The following ZNRF2 variants were observed in gnomAD, a reference collection of about 807,000 sequenced individuals.
The protein encoded by ZNRF2 is zinc and ring finger 2, also known as E3 ubiquitin-protein ligase ZNRF2.
ZNRF2 carries 16 observed loss-of-function variants against 20.4 expected under a neutral mutation model. That is an observed-to-expected ratio of 0.79 (90% confidence interval 0.53 to 1.19). The LOEUF is 1.19. ZNRF2 is among the 50% of genes most tolerant of loss of function. ZNRF2 has a pLI of 0.00. For synonymous variants in ZNRF2, 178 were observed against 144.9 expected (o/e 1.23, Z -1.64); for missense variants, 363 against 332.4 (o/e 1.09, Z -0.72).
intron 2 of ZNRF2, among the ~76,000 whole-genome samples, chr7:30,353,201 G>T (rs1799985106): frequency 6.6e-6 from 1 of 152,096 alleles, no homozygotes; most frequent in Admixed American, 6.5e-5. Context: ...TTCTAACTCA[G>T]AGTTGCTTAT....
intron 2 of ZNRF2, among the ~76,000 whole-genome samples, chr7:30,353,512 C>A (rs1347777753): frequency 6.6e-6 from 1 of 152,042 alleles, no homozygotes; most frequent in African/African-American, 2.4e-5. Context: ...TGCAAAGCAT[C>A]TGAGGGATAA....
chr7:30,331,469 A>C (rs1488888286), intron 2 of ZNRF2, among the ~76,000 whole-genome samples: 1 of 152,188 alleles, frequency 6.6e-6, no homozygotes, highest in East Asian at 1.9e-4. Flanking sequence ...ATAGAGCTGC[A>C]AGGAGAATTA....
chr7:30,326,496 C>T (rs1028177630), intron 2 of ZNRF2, among the ~76,000 whole-genome samples: 1 of 152,100 alleles, frequency 6.6e-6, no homozygotes, highest in African/African-American at 2.4e-5. Flanking sequence ...AGTATTCACA[C>T]GGTATATATG....
intron 1 of ZNRF2, among the ~76,000 whole-genome samples, chr7:30,287,963 G>T (rs971625769): frequency 6.6e-6 from 1 of 152,186 alleles, no homozygotes; most frequent in Non-Finnish European, 1.5e-5. Flanking sequence ...TTATATGACA[G>T]GATCAGATGA....
chr7:30,312,934 A>G (rs1799313407), intron 1 of ZNRF2, among the ~76,000 whole-genome samples: 1 of 152,212 alleles, frequency 6.6e-6, no homozygotes, highest in South Asian at 2.1e-4. Flanking sequence ...AATAGCTAAA[A>G]CATGATAAAA....
chr7:30,351,080 G>A lies in ZNRF2; in HGVS notation c.566-4648G>A, dbSNP rs1050451001. 3.8e-4 allele frequency among the ~76,000 whole-genome samples: 57 copies of A among 148,122 alleles called. 1 individual carries two copies. The highest frequency in any genetic ancestry group is 1.3e-3 in the African/African-American group (52 of 40,236). On this transcript the variant is annotated intron_variant, in intron 2 of 4. Coordinates refer to ENST00000323037, the MANE Select transcript of ZNRF2 (RefSeq NM_147128.4). ...TCGTCTTGATCTGCAATAACTATAT[G>A]GATATGTGCTTGGACCTGCTAAGTA...
chr7:30,343,699 T>G (rs540016031), intron 2 of ZNRF2, among the ~76,000 whole-genome samples: 34 of 152,212 alleles, frequency 2.2e-4, no homozygotes, highest in African/African-American at 7.7e-4. Context: ...TTTTTTTCAT[T>G]TTCATTTCCT....
chr7:30,365,671 A>T (rs1800202191), intron 4 of ZNRF2, among the ~76,000 whole-genome samples: 1 of 152,208 alleles, frequency 6.6e-6, no homozygotes. Context: ...GTAGCCATAA[A>T]GCTCAACGTT....
chr7:30,320,433 T>C (rs540458322), intron 1 of ZNRF2, among the ~76,000 whole-genome samples: 1 of 152,296 alleles, frequency 6.6e-6, no homozygotes, highest in South Asian at 2.1e-4. Flanking sequence ...ATGCATATCA[T>C]ATATATGTAT....
At chr7:30,362,231 C>T in intron 3 of ZNRF2, 146 bp from the exon 4 acceptor site, 1 of 468,468 alleles carries the variant, frequency 2.1e-6, no homozygotes, top group South Asian at 6.3e-5. Flanking sequence ...ACATTCTTAT[C>T]TGTTGCTTAT....
intron 4 of ZNRF2, 132 bp downstream of exon 4, chr7:30,362,588 G>T: frequency 2.1e-6 from 1 of 465,752 alleles, no homozygotes. Context: ...TTAGGCTACT[G>T]CATAGAAAAC....
intron 2 of ZNRF2, among the ~76,000 whole-genome samples, chr7:30,348,745 T>C (rs1177231293): frequency 6.6e-6 from 1 of 152,210 alleles, no homozygotes; most frequent in East Asian, 1.9e-4. Flanking sequence ...TCAACAGGCA[T>C]TTATTGTTAC....
At position 30,367,247 on chromosome 7, in the gene ZNRF2, G is replaced by A. The variant is rs1378808463; in HGVS notation, c.*1235G>A. On this transcript the variant is annotated 3_prime_UTR_variant, in exon 5 of 5. Coordinates refer to ENST00000323037, the MANE Select transcript of ZNRF2 (RefSeq NM_147128.4). The stretch of plus-strand genomic sequence containing the variant: ...TTATAGACACTTTTAAATTCAGTTT[G>A]TGTAGAAAGAAATGTGTTAAACAAA... 2.0e-5 allele frequency: 3 copies of A among 152,424 alleles called. No homozygotes were observed. Among genetic ancestry groups the A allele is most frequent in the Non-Finnish European group, 2.9e-5 (2 of 67,910 alleles). The allele number at this position is 152,424 out of a possible 1,614,324, so 9.4% of individuals were successfully genotyped here.
intron 2 of ZNRF2, among the ~76,000 whole-genome samples, chr7:30,353,221 A>G (rs530876555): frequency 3.9e-5 from 6 of 152,226 alleles, no homozygotes; most frequent in South Asian, 4.1e-4. Flanking sequence ...TCAAAATGCA[A>G]CTGATCAGTG....
In ZNRF2 at chr7:30,323,722, C is replaced by A; in HGVS notation, c.550C>A (p.Arg184=). The A allele has an allele frequency of 6.3e-7, 1 of 1,586,514 alleles. No homozygotes were observed. The highest frequency in any genetic ancestry group is 8.6e-7 in the Non-Finnish European group (1 of 1,167,110). ...TCTTGTAATGTGTTTAACAAAGCCA[C>A]GAATAACCTATAATGGTAAGTCCAA... The part of the protein sequence containing the change: ...LHLVMCLTKP[R]ITYNEDVLSK... Residue 184 remains arginine, a synonymous_variant, in exon 2 of 5, where the codon CGA becomes AGA. Transcript: ENST00000323037.
rs1046670866 is a variant in ZNRF2, at chr7:30,317,587, CATAGTGGGAA to C, written c.470-6043_470-6034del. Among the ~76,000 whole-genome samples, 145 of 152,142 alleles carry C rather than the reference CATAGTGGGAA, an allele frequency of 9.5e-4. 1 individual carries two copies. Among genetic ancestry groups the C allele is most frequent in the Non-Finnish European group, 2.8e-4 (19 of 68,024 alleles). On this transcript the variant is annotated intron_variant, in intron 1 of 4. Transcript: ENST00000323037. ...GGCAACACCAAATTTGTATTAGGCT[CATAGTGGGAA>C]ATAGTGGGAAAGCCTTGTACAGGGA...
At chr7:30,321,524 G>A (rs1799469197) in intron 1 of ZNRF2, among the ~76,000 whole-genome samples, 1 of 152,008 alleles carries the variant, frequency 6.6e-6, no homozygotes, top group Non-Finnish European at 1.5e-5. Flanking sequence ...TTAATTCACT[G>A]TATTTAACTA....
chr7:30,297,170 A>G (rs963756043), intron 1 of ZNRF2, among the ~76,000 whole-genome samples: 33 of 152,386 alleles, frequency 2.2e-4, no homozygotes, highest in African/African-American at 7.9e-4. Flanking sequence ...CCTCATTTGT[A>G]TAAATCTCCT....
chr7:30,307,316 G>GTTTTTTTTGT (rs1799222113), intron 1 of ZNRF2, among the ~76,000 whole-genome samples: 1 of 68,084 alleles, frequency 1.5e-5, no homozygotes, highest in African/African-American at 5.0e-5. Flanking sequence ...TCTTTCTGCT[G>GTTTTTTTTGT]TTTTTTTTTG....
Sources: gnomAD v4.1 joint callset for allele counts (sites outside exome capture counted in the v4.1 genomes callset) on GRCh38, gnomAD v4.1.1 for gene constraint, MANE v1.5 for transcripts, NCBI Gene and HGNC (gene_info 2026-07-23, HGNC 2026-07-21) for gene names.